The following RPS6KA2 variants were observed in gnomAD, a reference collection of about 807,000 sequenced individuals.
RPS6KA2 encodes ribosomal protein S6 kinase alpha-2.
In RPS6KA2, 42 loss-of-function variants were observed where a neutral mutation model predicts 91.8. The ratio of observed to expected loss-of-function variants is 0.46; its 90% CI spans 0.36 to 0.59. RPS6KA2 has a LOEUF of 0.59. Ranked by LOEUF, RPS6KA2 falls within the 20% of genes least tolerant of loss-of-function variation. The pLI, the probability that RPS6KA2 is intolerant of heterozygous loss-of-function variation, is 0.00. For missense variants in RPS6KA2, 798 were observed against 978.5 expected (o/e 0.82, Z 2.46); for synonymous variants, 414 against 393.6 (o/e 1.05, Z -0.61).
rs577893630 is a variant in RPS6KA2 at position 166,688,479 on chromosome 6, G to A, written c.124-149695C>T. Among the ~76,000 whole-genome samples, 20 of 152,358 alleles carry A rather than the reference G, an allele frequency of 1.3e-4. No homozygotes were observed. The South Asian group carries it at 4.1e-3, about 32-fold the overall frequency. The stretch of plus-strand genomic sequence containing the variant: ...CACGGGTGGCTGGGTTCACAAGTCA[G>A]GACCAAGTGATTAAGCAGGGCCACG... On this transcript the variant is annotated intron_variant, in intron 2 of 21. Transcript: ENST00000503859.
At chr6:166,604,686 T>C (rs1785880535) in intron 1 of RPS6KA2, among the ~76,000 whole-genome samples, 1 of 152,216 alleles carries the variant, frequency 6.6e-6, no homozygotes, top group African/African-American at 2.4e-5. Flanking sequence ...ATGGGGCGCC[T>C]GATGTCTGGA....
intron 3 of RPS6KA2, among the ~76,000 whole-genome samples, chr6:166,530,295 A>T (rs535870217): frequency 5.5e-4 from 84 of 152,036 alleles, no homozygotes; most frequent in Non-Finnish European, 9.4e-4. Flanking sequence ...AGGTTTCCCC[A>T]TAAGCTGGAC....
At chr6:166,844,423 T>C (rs953558121) in intron 2 of RPS6KA2, among the ~76,000 whole-genome samples, 21 of 152,104 alleles carry the variant, frequency 1.4e-4, no homozygotes, top group Admixed American at 1.4e-3. Context: ...TCAAAGAACA[T>C]CTGGGAAGTT....
In RPS6KA2 at chr6:166,513,221, T is replaced by C. The variant is rs193083401; in HGVS notation, c.299-2864A>G. 9.9e-5 allele frequency among the ~76,000 whole-genome samples: 15 copies of C among 152,280 alleles called. No homozygotes were observed. The East Asian group carries it at 2.9e-3, about 29-fold the overall frequency. ...GCTTGCCTTAGAGTCTAGACAGGCA[T>C]CGAGTAGGCACCCAGCAGGCAGTGC... On this transcript the variant is annotated intron_variant, in intron 3 of 20. Transcript: ENST00000265678.
At chr6:166,706,457 G>A (rs368600310) in intron 2 of RPS6KA2, among the ~76,000 whole-genome samples, 6 of 152,234 alleles carry the variant, frequency 3.9e-5, no homozygotes, top group South Asian at 2.1e-4. Context: ...ATGTAAAGGC[G>A]TCATACAACC....
intron 1 of RPS6KA2, among the ~76,000 whole-genome samples, chr6:166,617,530 T>C (rs1786458511): frequency 6.6e-6 from 1 of 152,172 alleles, no homozygotes; most frequent in African/African-American, 2.4e-5. Flanking sequence ...CACCTCATGC[T>C]GTTATGTGGT....
chr6:166,817,786 G>A (rs1037679281), intron 2 of RPS6KA2, among the ~76,000 whole-genome samples: 5 of 150,884 alleles, frequency 3.3e-5, no homozygotes, highest in Admixed American at 6.6e-5. Flanking sequence ...GCAGTGGTGC[G>A]ATCTTGGCTC....
chr6:166,674,924 C>T (rs532077161), intron 2 of RPS6KA2, among the ~76,000 whole-genome samples: 2 of 152,320 alleles, frequency 1.3e-5, no homozygotes, highest in African/African-American at 4.8e-5. Flanking sequence ...CCACCTGGGC[C>T]TCCCAAAGTG....
In RPS6KA2 at chr6:166,662,468, A is replaced by C. The variant is rs1582997400; in HGVS notation, c.124-123684T>G. Among the ~76,000 whole-genome samples the C allele has an allele frequency of 6.6e-6, 1 of 152,284 alleles. No individual in the cohort carries two copies. The highest frequency in any genetic ancestry group is 2.1e-4 in the South Asian group (1 of 4,824). On this transcript the variant is annotated intron_variant, in intron 2 of 21. Transcript: ENST00000503859. The surrounding 1 kb of genome is among the most constrained non-coding windows in gnomAD (Gnocchi z 4.3). ...GACGTAAGAACAGCTCTGCTTGCAA[A>C]TCCAATGCCTATGTTACAGGAGTGC...
At chr6:166,669,276 G>A (rs1788407230) in intron 2 of RPS6KA2, among the ~76,000 whole-genome samples, 1 of 152,152 alleles carries the variant, frequency 6.6e-6, no homozygotes, top group African/African-American at 2.4e-5. Context: ...CCCCCGGGCT[G>A]CCTGTCTCTC....
chr6:166,852,259 C>T lies in RPS6KA2; in HGVS notation c.123+5941G>A, dbSNP rs1487638711. Among the ~76,000 whole-genome samples, 1 of 152,208 alleles carries T rather than the reference C, an allele frequency of 6.6e-6. No homozygotes were observed. The highest frequency in any genetic ancestry group is 1.5e-5 in the Non-Finnish European group (1 of 68,042). ...TTCAGAGACGCCACAGAGACAGATT[C>T]ACAGGAGGTAATAAGCAGGGCCTGG... On this transcript the variant is annotated intron_variant, in intron 2 of 21. Coordinates refer to the RPS6KA2 transcript ENST00000503859. The surrounding 1 kb of genome is among the most constrained non-coding windows in gnomAD (Gnocchi z 4.1).
At chr6:166,754,640 C>T (rs1373509431) in intron 2 of RPS6KA2, among the ~76,000 whole-genome samples, 1 of 152,082 alleles carries the variant, frequency 6.6e-6, no homozygotes. Flanking sequence ...GGGTGAGTTG[C>T]CTGCTGTGTC....
chr6:166,581,322 C>T (rs1031594753), intron 1 of RPS6KA2, among the ~76,000 whole-genome samples: 3 of 152,342 alleles, frequency 2.0e-5, no homozygotes, highest in Middle Eastern at 3.4e-3. Flanking sequence ...AGGGCCTATG[C>T]GGAGAATGCC....
At chr6:166,546,728 A>T (rs367934271) in intron 1 of RPS6KA2, among the ~76,000 whole-genome samples, 2 of 152,206 alleles carry the variant, frequency 1.3e-5, no homozygotes, top group Non-Finnish European at 2.9e-5. Context: ...AGACTCAATT[A>T]TCGATGTGTC....
At chr6:166,441,567 C>A (rs1455220726) in intron 14 of RPS6KA2, among the ~76,000 whole-genome samples, 1 of 152,214 alleles carries the variant, frequency 6.6e-6, no homozygotes, top group East Asian at 1.9e-4. Flanking sequence ...TTCTCAATGG[C>A]TTAGAATTCT....
At chr6:166,504,422 C>G (rs1782125698) in intron 6 of RPS6KA2, 84 bp downstream of exon 6, 1 of 781,070 alleles carries the variant, frequency 1.3e-6, no homozygotes, top group African/African-American at 1.8e-5. Context: ...AAATAAATAT[C>G]TAGCAGTGGC....
In RPS6KA2 at chr6:166,531,236, T is replaced by C. The variant is rs1783264004; in HGVS notation, c.294A>G (p.Leu98=). The change falls in exon 3 of 21, where the codon CTA becomes CTG. Residue 98 remains leucine (L), a synonymous_variant. Transcript: ENST00000265678. ...YAMKVLKKAT[L]KVRDRVRSKM... ...CGGCCCTTCCGAAGCTCTTACCTTT[T>C]AGGGTGGCTTTCTTAAGGACCTTCA... 1.2e-6 allele frequency: 2 copies of C among 1,613,352 alleles called. No individual in the cohort carries two copies. Among genetic ancestry groups the C allele is most frequent in the East Asian group, 4.5e-5 (2 of 44,882 alleles).
chr6:166,669,417 A>G (rs1311248765), intron 2 of RPS6KA2, among the ~76,000 whole-genome samples: 1 of 152,184 alleles, frequency 6.6e-6, no homozygotes, highest in East Asian at 1.9e-4. Context: ...TATGTAGTCA[A>G]CACACTGTCT....
intron 1 of RPS6KA2, among the ~76,000 whole-genome samples, chr6:166,599,841 A>G (rs975351026): frequency 6.6e-6 from 1 of 151,644 alleles, no homozygotes; most frequent in Non-Finnish European, 1.5e-5. Context: ...TCTCCTTCCC[A>G]CTCCATCTCC....
Sources: gnomAD v4.1 joint callset for allele counts (sites outside exome capture counted in the v4.1 genomes callset) on GRCh38, gnomAD v4.1.1 for gene constraint, Gnocchi (gnomAD v3.1) non-coding constraint, MANE v1.5 for transcripts, NCBI Gene and HGNC (gene_info 2026-07-23, HGNC 2026-07-21) for gene names.